Variants in OXTR observed in about 807,000 individuals in gnomAD.
OXTR encodes the protein oxytocin receptor.
Under a neutral mutation model 23.9 loss-of-function variants are expected in OXTR, and 19 were observed. That is an observed-to-expected ratio of 0.80 (90% confidence interval 0.56 to 1.17). The LOEUF is 1.17. Ranked by LOEUF, OXTR falls within the 50% of genes most tolerant of loss-of-function variation. OXTR has a pLI of 0.00. For missense variants in OXTR, 500 were observed against 550.7 expected, an observed-to-expected ratio of 0.91 and a Z score of 0.92; for synonymous variants, 278 against 250.5, an observed-to-expected ratio of 1.11 and a Z score of -1.04.
the OXTR span, among the ~76,000 whole-genome samples, chr3:8,742,109 T>C: frequency 6.6e-6 from 1 of 152,128 alleles, no homozygotes; most frequent in African/African-American, 2.4e-5. Context: ...TTGTGCTGCA[T>C]GGTACAGCTG....
intron 3 of OXTR, among the ~76,000 whole-genome samples, chr3:8,765,039 G>A (rs1708573412): frequency 6.6e-6 from 1 of 152,184 alleles, no homozygotes; most frequent in African/African-American, 2.4e-5. Flanking sequence ...CTGAAGGTCT[G>A]GTCCCCAGGA....
chr3:8,759,318 G>A (rs1490309165), intron 3 of OXTR, among the ~76,000 whole-genome samples: 1 of 152,026 alleles, frequency 6.6e-6, no homozygotes, highest in Non-Finnish European at 1.5e-5. Flanking sequence ...GCCTTCTCAG[G>A]GTATTTGCAG....
chr3:8,767,427 C>A lies in OXTR; in HGVS notation c.761G>T (p.Arg254Leu). 2.5e-6 allele frequency: 4 copies of A among 1,605,194 alleles called. No individual in the cohort carries two copies. Among genetic ancestry groups the A allele is most frequent in the Non-Finnish European group, 2.6e-6 (3 of 1,176,280 alleles). ...GCTGCTGACACGCGCCAGGGCCACGCGCCCCCCATCGCCAGCCGCCGCGCC... is the reference window on the plus strand; with the variant it reads ...GCTGCTGACACGCGCCAGGGCCACGAGCCCCCCATCGCCAGCCGCCGCGCC... Reference protein sequence around the residue: ...PEGAAAGDGGRVALARVSSVK... With the variant: ...PEGAAAGDGGLVALARVSSVK... Residue 254 changes from arginine (R) to leucine (L), a missense_variant, in exon 3 of 4, where the codon CGC (arginine) becomes CTC (leucine). Coordinates refer to ENST00000316793, the MANE Select transcript of OXTR (RefSeq NM_000916.4).
At chr3:8,745,636 G>A, downstream of OXTR, 9 of 1,614,144 alleles carry the variant, frequency 5.6e-6, no homozygotes, top group Non-Finnish European at 7.6e-6. This position sits in a 1 kb window ranked among gnomAD's most constrained non-coding sequence, Gnocchi z 4.8. Flanking sequence ...GCTACCGTCT[G>A]TTGTCCACGC....
downstream of OXTR, among the ~76,000 whole-genome samples, chr3:8,749,974 G>T (rs912115306): frequency 6.6e-6 from 1 of 152,140 alleles, no homozygotes; most frequent in Non-Finnish European, 1.5e-5. Flanking sequence ...AAACTTAAAA[G>T]GTGCCCCACC....
chr3:8,761,034 T>C (rs1037417174), intron 3 of OXTR, among the ~76,000 whole-genome samples: 5 of 152,208 alleles, frequency 3.3e-5, no homozygotes, highest in African/African-American at 9.7e-5. Context: ...TAATGGCACG[T>C]AGCACGTGGA....
At chr3:8,743,688 C>T in the OXTR span, among the ~76,000 whole-genome samples, 2 of 152,258 alleles carry the variant, frequency 1.3e-5, no homozygotes, top group South Asian at 2.1e-4. Flanking sequence ...AGCCTCAGAG[C>T]ACAGGGGGAT....
chr3:8,741,291 T>G, the OXTR span, among the ~76,000 whole-genome samples: 1 of 152,234 alleles, frequency 6.6e-6, no homozygotes, highest in African/African-American at 2.4e-5. Flanking sequence ...CACCAATGTT[T>G]ATTGTTAGAT....
rs35914356 is a variant in OXTR at position 8,766,178 on chromosome 3, A to G, written c.922+1088T>C. On this transcript the variant is annotated intron_variant, in intron 3 of 3. Transcript: ENST00000316793. ...TGGGATTGCCTTCAAACAAAAACTTATAAATCATTCACCACCAGCAATCAC... is the reference window on the plus strand; with the variant it reads ...TGGGATTGCCTTCAAACAAAAACTTGTAAATCATTCACCACCAGCAATCAC... Among the ~76,000 whole-genome samples the G allele has an allele frequency of 1.8e-4, 27 of 152,286 alleles. 1 individual carries two copies. In the East Asian group the frequency reaches 5.0e-3, roughly 28 times the overall value.
Position 8,752,797 on chromosome 3 carries a change from A to G in OXTR, c.*180T>C. The G allele has an allele frequency of 1.6e-6, 1 of 631,524 alleles. No homozygotes were observed. The highest frequency in any genetic ancestry group is 2.7e-6 in the Non-Finnish European group (1 of 369,404). 39.1% of individuals were successfully genotyped at this position (631,524 alleles called of 1,614,324 possible). ...AGGCCAGGGTGTTGTCTGATGGCTG[A>G]GTCCCCTATCATCTTCCATCATGGA... is the stretch of plus-strand genomic sequence containing the variant. On this transcript the variant is annotated 3_prime_UTR_variant, in exon 4 of 4. Coordinates refer to ENST00000316793, the MANE Select transcript of OXTR (RefSeq NM_000916.4).
the OXTR span, chr3:8,745,095 C>T: frequency 1.7e-5 from 3 of 176,240 alleles, no homozygotes; most frequent in African/African-American, 7.1e-5. The surrounding 1 kb of genome is among the most constrained non-coding windows in gnomAD (Gnocchi z 4.8). Context: ...GAGGCAGATC[C>T]CTCGTGGCTT....
chr3:8,767,877 C>T lies in OXTR; in HGVS notation c.311G>A (p.Arg104His), dbSNP rs1002718410. ...LPQLLWDITF[R>H]FYGPDLLCRL... ...GCACAGCAGGTCGGGCCCGTAGAAG[C>T]GGAAGGTGATGTCCCACAGCAACTG... Residue 104 changes from arginine to histidine, a missense_variant, in exon 3 of 4, where the codon CGC becomes CAC. Arg to His is a conservative substitution (Grantham distance 29). Coordinates refer to ENST00000316793, the MANE Select transcript of OXTR (RefSeq NM_000916.4). The T allele has an allele frequency of 3.1e-6, 5 of 1,613,470 alleles. No homozygotes were observed. The African/African-American group carries it at 4.0e-5, about 13-fold the overall frequency.
At chr3:8,753,272 C>G (rs199796056) in intron 3 of OXTR, 48 bp from the exon 4 acceptor site, 2 of 1,597,944 alleles carry the variant, frequency 1.3e-6, no homozygotes, top group Non-Finnish European at 8.5e-7. Context: ...TTAATTAACA[C>G]TGGAGCCACT....
chr3:8,747,856 C>G (rs1708196975), downstream of OXTR, among the ~76,000 whole-genome samples: 3 of 152,184 alleles, frequency 2.0e-5, no homozygotes, highest in South Asian at 6.2e-4. Flanking sequence ...TTGGTATTTG[C>G]TATAACTGGA....
downstream of OXTR, chr3:8,745,721 G>C (rs944503745): frequency 1.2e-6 from 2 of 1,614,054 alleles, no homozygotes; most frequent in African/African-American, 2.7e-5. The surrounding 1 kb of genome is among the most constrained non-coding windows in gnomAD (Gnocchi z 4.8). Context: ...CTGGGCGGTG[G>C]TGCCATGCAT....
Position 8,759,706 on chromosome 3 carries a change from G to A in OXTR, c.923-6482C>T, listed in dbSNP as rs186038001. Among the ~76,000 whole-genome samples, 521 of 152,356 alleles carry A rather than the reference G, an allele frequency of 3.4e-3. 2 individuals are homozygous for A. Among genetic ancestry groups the A allele is most frequent in the Non-Finnish European group, 6.5e-3 (444 of 68,034 alleles). On this transcript the variant is annotated intron_variant, in intron 3 of 3. Transcript: ENST00000316793. ...GAGAAACAGAATGTGCAAGAGTGCC[G>A]TTGGGGTGGGAGACATGGGCCGGGA...
chr3:8,748,389 A>G (rs1463050519), downstream of OXTR, among the ~76,000 whole-genome samples: 1 of 152,192 alleles, frequency 6.6e-6, no homozygotes, highest in African/African-American at 2.4e-5. Context: ...ATCTTCCCAC[A>G]GAACTCTGAT....
intron 3 of OXTR, among the ~76,000 whole-genome samples, chr3:8,765,651 G>T (rs1708589845): frequency 6.6e-6 from 1 of 152,156 alleles, no homozygotes; most frequent in Admixed American, 6.5e-5. Flanking sequence ...AACAGGTGAG[G>T]CCTAAGGCCT....
At chr3:8,745,950 G>T, downstream of OXTR, 1 of 1,142,418 alleles carries the variant, frequency 8.8e-7, no homozygotes, top group East Asian at 2.4e-5. The surrounding 1 kb of genome is among the most constrained non-coding windows in gnomAD (Gnocchi z 4.8). Context: ...AGGGGCTGCT[G>T]GCGAGCTCTT....
Sources: gnomAD v4.1 joint callset for allele counts (sites outside exome capture counted in the v4.1 genomes callset) on GRCh38, gnomAD v4.1.1 for gene constraint, Gnocchi (gnomAD v3.1) non-coding constraint, MANE v1.5 for transcripts, NCBI Gene and HGNC (gene_info 2026-07-23, HGNC 2026-07-21) for gene names.